ZNF385B: variants seen among roughly 807,000 people sequenced by gnomAD.
The protein encoded by ZNF385B is zinc finger protein 533.
Under a neutral mutation model 39.2 loss-of-function variants are expected in ZNF385B, and 23 were observed. The ratio of observed to expected loss-of-function variants is 0.59; its 90% confidence interval spans 0.42 to 0.83. The LOEUF is 0.83. Among genes scored for constraint, ZNF385B ranks in the 40% least tolerant of loss-of-function variants. The probability of loss-of-function intolerance (pLI) is 0.00; values close to 1 mark genes in which losing one functional copy is unlikely to be tolerated. For missense variants in ZNF385B, 552 were observed against 598.9 expected (o/e 0.92, Z 0.82); for synonymous variants, 205 against 222.6 (o/e 0.92, Z 0.70).
At chr2:179,776,874 A>G (rs908850040) in intron 1 of ZNF385B, among the ~76,000 whole-genome samples, 15 of 152,162 alleles carry the variant, frequency 9.9e-5, no homozygotes, top group African/African-American at 3.6e-4. Context: ...ATGGGCAAAC[A>G]GGCTGGGACA....
At chr2:179,777,333 A>G (rs1704385553) in intron 1 of ZNF385B, among the ~76,000 whole-genome samples, 1 of 152,202 alleles carries the variant, frequency 6.6e-6, no homozygotes, top group African/African-American at 2.4e-5. Flanking sequence ...CTTCTTACAA[A>G]CATAAAATGT....
chr2:179,483,634 A>G (rs1258099868), intron 5 of ZNF385B, among the ~76,000 whole-genome samples, 200 bp from the exon 6 acceptor site: 2 of 152,192 alleles, frequency 1.3e-5, no homozygotes, highest in Non-Finnish European at 2.9e-5. Flanking sequence ...TATACAATAC[A>G]AAGGACCTGC....
intron 1 of ZNF385B, among the ~76,000 whole-genome samples, chr2:179,826,944 A>C (rs749498439): frequency 6.6e-6 from 1 of 152,146 alleles, no homozygotes; most frequent in Non-Finnish European, 1.5e-5. Context: ...GCATGGTCTA[A>C]ATACTACAGT....
chr2:179,510,334 G>A (rs989159789), intron 5 of ZNF385B, among the ~76,000 whole-genome samples: 2 of 152,034 alleles, frequency 1.3e-5, no homozygotes, highest in African/African-American at 2.4e-5. Context: ...AAACACAGTA[G>A]ATGTGTATGT....
chr2:179,677,806 C>G lies in ZNF385B; in HGVS notation c.298+91697G>C, dbSNP rs150938016. ...TTCCATTTTTTCCCCGTCCACTTCA[C>G]AGGGTCCTTCTTCTAAAACACCATT... On this transcript the variant is annotated intron_variant, in intron 3 of 9. Coordinates refer to ENST00000410066, the MANE Select transcript of ZNF385B (RefSeq NM_152520.6). Among the ~76,000 whole-genome samples the G allele has an allele frequency of 7.0e-3, 1,073 of 152,288 alleles. 12 individuals are homozygous for G. Among genetic ancestry groups the G allele is most frequent in the African/African-American group, 0.023 (962 of 41,568 alleles).
At chr2:179,667,988 T>A (rs1057274758) in intron 3 of ZNF385B, among the ~76,000 whole-genome samples, 1 of 152,174 alleles carries the variant, frequency 6.6e-6, no homozygotes. Context: ...AAACAAATCC[T>A]AATCAAGAGA....
intron 6 of ZNF385B, among the ~76,000 whole-genome samples, chr2:179,465,947 G>C (rs774497784): frequency 5.9e-5 from 9 of 152,272 alleles, no homozygotes; most frequent in Non-Finnish European, 1.2e-4. Context: ...CAATACGTTT[G>C]CTGAAATAAG....
intron 6 of ZNF385B, among the ~76,000 whole-genome samples, chr2:179,474,283 G>T (rs2053172207): frequency 6.6e-6 from 1 of 152,126 alleles, no homozygotes; most frequent in Non-Finnish European, 1.5e-5. Flanking sequence ...TATAATGGTA[G>T]TAAGTTTGAT....
chr2:179,794,430 A>G (rs1196909211), intron 1 of ZNF385B, among the ~76,000 whole-genome samples: 2 of 152,170 alleles, frequency 1.3e-5, no homozygotes, highest in Non-Finnish European at 2.9e-5. Context: ...ATAACCTAAT[A>G]AAATGCTATT....
chr2:179,797,598 T>C (rs1705751466), intron 1 of ZNF385B, among the ~76,000 whole-genome samples: 1 of 152,220 alleles, frequency 6.6e-6, no homozygotes. Flanking sequence ...CATTTTTTTC[T>C]TGCAATTTAT....
chr2:179,823,451 T>C (rs1170721267), intron 1 of ZNF385B, among the ~76,000 whole-genome samples: 1 of 152,168 alleles, frequency 6.6e-6, no homozygotes, highest in African/African-American at 2.4e-5. Flanking sequence ...TTTGGTTCAC[T>C]ATCAAGTAAC....
At chr2:179,582,061 T>C (rs1487045612) in intron 3 of ZNF385B, among the ~76,000 whole-genome samples, 6 of 152,296 alleles carry the variant, frequency 3.9e-5, no homozygotes, top group Non-Finnish European at 8.8e-5. Context: ...TACTCCAAGT[T>C]TGCTAGCAAA....
chr2:179,858,685 T>C (rs998206216), intron 1 of ZNF385B, among the ~76,000 whole-genome samples: 1 of 151,864 alleles, frequency 6.6e-6, no homozygotes, highest in Admixed American at 6.6e-5. Context: ...GGAGGGGTTA[T>C]AATAAAAACC....
At chr2:179,513,692 T>A (rs1349612680) in intron 5 of ZNF385B, among the ~76,000 whole-genome samples, 1 of 152,186 alleles carries the variant, frequency 6.6e-6, no homozygotes, top group Admixed American at 6.5e-5. Context: ...CTGACAGAGG[T>A]ACTGTGGAAA....
At chr2:179,483,202 A>C (rs905885701) in intron 6 of ZNF385B, 70 bp downstream of exon 6, 11 of 1,562,124 alleles carry the variant, frequency 7.0e-6, no homozygotes, top group Middle Eastern at 1.7e-4. Context: ...AACTGAGGGC[A>C]GGAAAACGGG....
intron 1 of ZNF385B, among the ~76,000 whole-genome samples, chr2:179,820,049 A>C (rs1042995048): frequency 3.3e-5 from 5 of 152,172 alleles, no homozygotes; most frequent in African/African-American, 1.2e-4. Flanking sequence ...TTATGTATGT[A>C]CATGAGAATA....
chr2:179,838,256 CCA>C (rs1708357648), intron 1 of ZNF385B, among the ~76,000 whole-genome samples: 1 of 152,094 alleles, frequency 6.6e-6, no homozygotes, highest in Non-Finnish European at 1.5e-5. Context: ...CTAAAAGAAA[CCA>C]CAGTCTGAGA....
At chr2:179,504,814 G>GAA (rs76535980) in intron 5 of ZNF385B, among the ~76,000 whole-genome samples, 3 of 137,742 alleles carry the variant, frequency 2.2e-5, no homozygotes, top group Non-Finnish European at 3.2e-5. Flanking sequence ...ATAATTTAAA[G>GAA]AAAAAAAAAA....
intron 4 of ZNF385B, among the ~76,000 whole-genome samples, chr2:179,528,345 G>C (rs1027749985): frequency 6.6e-6 from 1 of 152,180 alleles, no homozygotes; most frequent in Non-Finnish European, 1.5e-5. Context: ...TGAGTACTAA[G>C]TACTAGACAC....
Sources: gnomAD v4.1 joint callset for allele counts (sites outside exome capture counted in the v4.1 genomes callset) on GRCh38, gnomAD v4.1.1 for gene constraint, MANE v1.5 for transcripts, NCBI Gene and HGNC (gene_info 2026-07-23, HGNC 2026-07-21) for gene names.